Variants in PKIG observed in about 807,000 individuals in gnomAD.
PKIG encodes cAMP-dependent protein kinase inhibitor gamma, also known as protein kinase (cAMP-dependent, catalytic) inhibitor gamma.
PKIG carries 1 observed loss-of-function variant against 6.8 expected under a neutral mutation model. The observed-to-expected ratio is 0.15, with a 90% CI of 0.05 to 0.69. The LOEUF (loss-of-function observed/expected upper bound fraction) is 0.69, where lower values mean the gene tolerates loss of function less well. PKIG is among the 30% of genes least tolerant of loss of function. PKIG has a pLI of 0.82. For synonymous variants in PKIG, 39 were observed against 43.0 expected (o/e 0.91, Z 0.36); for missense variants, 77 against 104.0 (o/e 0.74, Z 1.13).
At chr20:44,566,258 A>G (rs1306616813) in intron 1 of PKIG, among the ~76,000 whole-genome samples, 1 of 152,196 alleles carries the variant, frequency 6.6e-6, no homozygotes, top group Non-Finnish European at 1.5e-5. Flanking sequence ...CTTTTGCACT[A>G]TAGTGGCAGA....
chr20:44,618,339 G>A lies in PKIG; in HGVS notation c.206G>A (p.Ser69Asn), dbSNP rs1033151930. 1 of 1,612,730 alleles carries A rather than the reference G, an allele frequency of 6.2e-7. No homozygotes were observed. Among genetic ancestry groups the A allele is most frequent in the African/African-American group, 1.3e-5 (1 of 74,904 alleles). ...PDKEAGNQPQSSDGTTSS is the reference protein window; with the variant it reads ...PDKEAGNQPQNSDGTTSS ...AAGGAAGCTGGCAACCAGCCCCAGAGCAGCGATGGGACCACCTCGTCTTGA... is the reference window on the plus strand; with the variant it reads ...AAGGAAGCTGGCAACCAGCCCCAGAACAGCGATGGGACCACCTCGTCTTGA... Residue 69 changes from serine to asparagine, a missense_variant, in exon 4 of 4, where the codon AGC (serine) becomes AAC (asparagine). By Grantham distance (46) the Ser-to-Asn change is conservative. Transcript: ENST00000372886.
intron 1 of PKIG, among the ~76,000 whole-genome samples, chr20:44,571,060 C>T (rs1317843005): frequency 6.6e-6 from 1 of 151,976 alleles, no homozygotes; most frequent in Non-Finnish European, 1.5e-5. Flanking sequence ...ATGGTGAAAC[C>T]CCGTCTATAC....
intron 2 of PKIG, among the ~76,000 whole-genome samples, chr20:44,610,407 TGTG>T (rs1030522940): frequency 6.6e-6 from 1 of 152,058 alleles, no homozygotes; most frequent in African/African-American, 2.4e-5. Flanking sequence ...AGCTAGGTGT[TGTG>T]GGGGGATGTG....
intron 2 of PKIG, among the ~76,000 whole-genome samples, chr20:44,609,149 C>T (rs1490771002): frequency 6.6e-6 from 1 of 152,046 alleles, no homozygotes; most frequent in Non-Finnish European, 1.5e-5. Flanking sequence ...TTGGAGAGCT[C>T]CCCAGAGCCG....
In PKIG at chr20:44,614,685, C is replaced by T. The variant is rs941583576; in HGVS notation, c.129C>T (p.Gly43=). ...TGAGGAAGCTGGCTGGAGACATGGG[C>T]GAGCTGGCACTCGAGGGGGCAGGTT... The part of the protein sequence containing the change: ...VSVRKLAGDM[G]ELALEGAEGQ... The change falls in exon 3 of 4, where the codon GGC becomes GGT. Residue 43 remains glycine, a synonymous_variant. Coordinates refer to ENST00000372886, the MANE Select transcript of PKIG (RefSeq NM_001281445.2). The surrounding 1 kb of genome is among the most constrained non-coding windows in gnomAD (Gnocchi z 4.6). The T allele has an allele frequency of 5.0e-6, 8 of 1,613,834 alleles. No individual in the cohort carries two copies. The highest frequency in any genetic ancestry group is 3.3e-5 in the South Asian group (3 of 91,082).
At chr20:44,589,149 C>CT (rs539902219) in intron 1 of PKIG, among the ~76,000 whole-genome samples, 39 of 147,578 alleles carry the variant, frequency 2.6e-4, no homozygotes, top group East Asian at 3.9e-4. Context: ...AAATGCTGTA[C>CT]TTTTTTTTTT....
Position 44,599,473 on chromosome 20 carries a change from C to T in PKIG, c.-24+9607C>T, listed in dbSNP as rs532479076. On this transcript the variant is annotated intron_variant, in intron 2 of 3. Coordinates refer to ENST00000372886, the MANE Select transcript of PKIG (RefSeq NM_001281445.2). ...GCACCGTGGCTCAAGCCTGCAGTCC[C>T]AGCACTTTAGGAGGCTGAGGCGGGC... Among the ~76,000 whole-genome samples the T allele has an allele frequency of 7.2e-5, 11 of 152,302 alleles. No homozygotes were observed. The South Asian group carries it at 2.1e-3, about 29-fold the overall frequency.
intron 1 of PKIG, among the ~76,000 whole-genome samples, chr20:44,544,752 T>C (rs1044146558): frequency 1.1e-4 from 17 of 152,154 alleles, no homozygotes. Context: ...AAACAGGGAT[T>C]CTGCAGCTGT....
chr20:44,613,661 C>A (rs1433409326), intron 2 of PKIG, among the ~76,000 whole-genome samples: 1 of 152,168 alleles, frequency 6.6e-6, no homozygotes, highest in Non-Finnish European at 1.5e-5. Context: ...GGTTCGATTT[C>A]CAAGTTATAT....
At chr20:44,606,361 G>A (rs1349921580) in intron 2 of PKIG, among the ~76,000 whole-genome samples, 1 of 152,222 alleles carries the variant, frequency 6.6e-6, no homozygotes, top group Non-Finnish European at 1.5e-5. Context: ...TGTGGTGAAG[G>A]AAAGTGCTCA....
intron 2 of PKIG, among the ~76,000 whole-genome samples, chr20:44,598,244 C>G (rs764319156): frequency 3.9e-5 from 6 of 152,190 alleles, no homozygotes; most frequent in Non-Finnish European, 7.3e-5. Context: ...AGGCAGGTTT[C>G]CCCAGAGAGA....
intron 1 of PKIG, among the ~76,000 whole-genome samples, chr20:44,544,064 CA>C (rs543416378): frequency 0.19 from 13,953 of 72,664 alleles, 694 homozygotes; most frequent in Admixed American, 0.36. Flanking sequence ...AACTCCGCCT[CA>C]AAAAAAAAAA....
intron 2 of PKIG, among the ~76,000 whole-genome samples, chr20:44,602,947 C>T (rs1171239371): frequency 1.3e-5 from 2 of 152,094 alleles, no homozygotes; most frequent in African/African-American, 4.8e-5. Flanking sequence ...CAAGGGTCAC[C>T]CTATTGCGCG....
rs192832619 is a variant in PKIG at position 44,616,758 on chromosome 20, G to A, written c.152-1527G>A. 3.5e-4 allele frequency among the ~76,000 whole-genome samples: 54 copies of A among 152,342 alleles called. 1 individual carries two copies. Among genetic ancestry groups the A allele is most frequent in the Admixed American group, 2.9e-3 (45 of 15,308 alleles). ...CAGGAAGCCCGCAGGGAGCAGTTCC[G>A]TTTCACAGGCGGGGCTGCGGGCCAC... On this transcript the variant is annotated intron_variant, in intron 3 of 3. Coordinates refer to ENST00000372886, the MANE Select transcript of PKIG (RefSeq NM_001281445.2).
chr20:44,557,309 A>G (rs1231602441), intron 1 of PKIG, among the ~76,000 whole-genome samples: 5 of 152,016 alleles, frequency 3.3e-5, no homozygotes, highest in Non-Finnish European at 7.4e-5. Flanking sequence ...GGGTCACTTG[A>G]CAAGGTCAGG....
intron 2 of PKIG, among the ~76,000 whole-genome samples, chr20:44,591,278 G>A (rs1463225664): frequency 1.3e-5 from 2 of 152,196 alleles, no homozygotes; most frequent in Non-Finnish European, 1.5e-5. Context: ...ACAGTGCAGA[G>A]GGGGTTCCCT....
chr20:44,562,676 A>G (rs2064778203), intron 1 of PKIG, among the ~76,000 whole-genome samples: 1 of 152,122 alleles, frequency 6.6e-6, no homozygotes. Flanking sequence ...TAACAAAATA[A>G]TGATACTATG....
At chr20:44,546,714 G>T (rs992425564) in intron 1 of PKIG, among the ~76,000 whole-genome samples, 1 of 151,868 alleles carries the variant, frequency 6.6e-6, no homozygotes, top group Non-Finnish European at 1.5e-5. Context: ...CACCACTCCC[G>T]GCTAATTTTT....
At chr20:44,610,889 C>T (rs1164167129) in intron 2 of PKIG, among the ~76,000 whole-genome samples, 1 of 151,858 alleles carries the variant, frequency 6.6e-6, no homozygotes, top group East Asian at 1.9e-4. Flanking sequence ...TTTTTACTGA[C>T]ATGTCATTGT....
Sources: allele counts gnomAD v4.1 joint callset (sites outside exome capture counted in the v4.1 genomes callset), GRCh38; gene constraint gnomAD v4.1.1; non-coding constraint Gnocchi (gnomAD v3.1); transcripts MANE v1.5; gene names NCBI Gene and HGNC (gene_info 2026-07-23, HGNC 2026-07-21).